Variants in NBEA observed in about 807,000 individuals in gnomAD.
The protein encoded by NBEA is neurobeachin.
NBEA carries 44 observed loss-of-function variants against 343.4 expected under a neutral mutation model. The ratio of observed to expected loss-of-function variants is 0.13; its 90% CI spans 0.10 to 0.16. NBEA has a LOEUF of 0.16. Among genes scored for constraint, NBEA ranks in the 10% least tolerant of loss-of-function variants. The pLI, the probability that NBEA is intolerant of heterozygous loss-of-function variation, is 1.00. For missense variants in NBEA, 2,555 were observed against 3,631.3 expected (o/e 0.70, Z 7.62); for synonymous variants, 1,175 against 1,238.7 (o/e 0.95, Z 1.08).
chr13:34,954,126 C>G (rs2059424723), intron 1 of NBEA, among the ~76,000 whole-genome samples: 1 of 152,154 alleles, frequency 6.6e-6, no homozygotes, highest in South Asian at 2.1e-4. Flanking sequence ...ATAGCATTTA[C>G]ATTGTATTAG....
chr13:35,382,503 G>A lies in NBEA; in HGVS notation c.6179+30180G>A, dbSNP rs371984774. Among the ~76,000 whole-genome samples the A allele has an allele frequency of 2.3e-4, 35 of 152,172 alleles. No homozygotes were observed. The East Asian group carries it at 5.4e-3, about 24-fold the overall frequency. ...TCATTAACAGTTTTGTTGTTTTGGG[G>A]AGTATACTGCATTTGGAGTAGTAAA... On this transcript the variant is annotated intron_variant, in intron 38 of 58. Coordinates refer to ENST00000379939, the MANE Select transcript of NBEA (RefSeq NM_001385012.1).
rs368040790 is a variant in NBEA, at chr13:35,098,499, G to A, written c.1680+94G>A. On this transcript the variant is annotated intron_variant, in intron 11 of 58. Coordinates refer to ENST00000379939, the MANE Select transcript of NBEA (RefSeq NM_001385012.1). ...TTTTTCTGTAATTTCACTTTCCATT[G>A]ACTGTGTAGAGATTATACTATTTGC... 1.5e-4 allele frequency: 127 copies of A among 848,634 alleles called. 1 individual carries two copies. Among genetic ancestry groups the A allele is most frequent in the East Asian group, 1.4e-3 (53 of 37,354 alleles). 52.6% of individuals were successfully genotyped at this position (848,634 alleles called of 1,614,324 possible). A position where few individuals can be genotyped will look rare whatever the true frequency, so the allele number is the denominator to read the frequency against.
chr13:34,959,551 A>G (rs2059596370), intron 1 of NBEA, among the ~76,000 whole-genome samples: 1 of 152,100 alleles, frequency 6.6e-6, no homozygotes, highest in African/African-American at 2.4e-5. Flanking sequence ...AAAAATGTTC[A>G]TTTTTAGGGT....
intron 13 of NBEA, among the ~76,000 whole-genome samples, chr13:35,113,564 G>T (rs575016456): frequency 1.3e-5 from 2 of 150,900 alleles, no homozygotes; most frequent in South Asian, 2.1e-4. Context: ...CTGTAAGGAA[G>T]AACTTGTTTT....
chr13:35,288,440 A>G (rs560764252), intron 34 of NBEA, among the ~76,000 whole-genome samples: 182 of 152,092 alleles, frequency 1.2e-3, no homozygotes, highest in Middle Eastern at 3.4e-3. Flanking sequence ...GTGAGGTTCT[A>G]TGGACTTGAA....
intron 1 of NBEA, among the ~76,000 whole-genome samples, chr13:34,963,874 A>G (rs945125431): frequency 6.6e-6 from 1 of 151,930 alleles, no homozygotes; most frequent in Non-Finnish European, 1.5e-5. Context: ...TCTAGGTCTT[A>G]CTTTTCTTTA....
rs1401760094 is a variant in NBEA, at chr13:35,066,948, G to A, written c.1240-2960G>A. ...TTTTCACTTAAAAAACATTTCTTTA[G>A]TGATTGCAGTAGAGCTTACCATATA... On this transcript the variant is annotated intron_variant, in intron 8 of 58. Transcript: ENST00000379939. Among the ~76,000 whole-genome samples the A allele has an allele frequency of 4.0e-5, 6 of 151,770 alleles. No homozygotes were observed. In the East Asian group the frequency reaches 1.2e-3, roughly 29 times the overall value.
At chr13:35,082,269 A>G (rs1048926523) in intron 10 of NBEA, among the ~76,000 whole-genome samples, 43 of 152,186 alleles carry the variant, frequency 2.8e-4, no homozygotes, top group Non-Finnish European at 6.2e-4. Context: ...ATGGCTGTAT[A>G]GTATTCCATG....
At chr13:35,669,464 A>C (rs2085503412) in intron 58 of NBEA, among the ~76,000 whole-genome samples, 1 of 152,232 alleles carries the variant, frequency 6.6e-6, no homozygotes, top group Admixed American at 6.5e-5. Context: ...ATGGCACTGA[A>C]GTCATCAGGA....
chr13:35,125,844 A>G (rs1400273536), intron 17 of NBEA, among the ~76,000 whole-genome samples: 1 of 152,194 alleles, frequency 6.6e-6, no homozygotes, highest in African/African-American at 2.4e-5. Context: ...ATACATACAT[A>G]CATACATACA....
intron 47 of NBEA, among the ~76,000 whole-genome samples, chr13:35,593,698 A>C (rs2081634319): frequency 6.6e-6 from 1 of 152,118 alleles, no homozygotes; most frequent in South Asian, 2.1e-4. Context: ...TCAAATAATC[A>C]GGAGATGTGA....
chr13:34,945,780 T>C (rs1482873353), intron 1 of NBEA, among the ~76,000 whole-genome samples: 2 of 152,176 alleles, frequency 1.3e-5, no homozygotes, highest in Non-Finnish European at 2.9e-5. Flanking sequence ...TTTCTTCCTA[T>C]GTAAGGATAC....
chr13:35,558,075 G>T (rs1593218772), intron 44 of NBEA, among the ~76,000 whole-genome samples: 1 of 152,146 alleles, frequency 6.6e-6, no homozygotes, highest in African/African-American at 2.4e-5. Context: ...AATCAAAATT[G>T]AGATTCCTTA....
chr13:34,946,624 G>A (rs2059192287), intron 1 of NBEA, among the ~76,000 whole-genome samples: 1 of 150,590 alleles, frequency 6.6e-6, no homozygotes, highest in African/African-American at 2.4e-5. Flanking sequence ...ATTTTTTCAT[G>A]GATTTGTAGT....
intron 48 of NBEA, 82 bp downstream of exon 48, chr13:35,606,660 A>G (rs896800625): frequency 1.0e-4 from 114 of 1,118,934 alleles, no homozygotes; most frequent in Non-Finnish European, 1.3e-4. Context: ...GTTCTTTACT[A>G]TAATATTACC....
intron 21 of NBEA, among the ~76,000 whole-genome samples, chr13:35,157,517 A>G (rs917606527): frequency 2.0e-5 from 3 of 152,258 alleles, no homozygotes; most frequent in Admixed American, 6.5e-5. Flanking sequence ...CATCTGTTTT[A>G]TAGCAAATCT....
chr13:34,968,354 G>C (rs1356299516), intron 1 of NBEA, among the ~76,000 whole-genome samples: 1 of 151,716 alleles, frequency 6.6e-6, no homozygotes, highest in Non-Finnish European at 1.5e-5. Flanking sequence ...AGTTTTTTTT[G>C]ACTTGGCCAG....
intron 41 of NBEA, among the ~76,000 whole-genome samples, chr13:35,511,206 A>G (rs1198328252): frequency 2.0e-5 from 3 of 152,188 alleles, no homozygotes; most frequent in African/African-American, 7.2e-5. Flanking sequence ...ATTTATTCAC[A>G]TAGTCAGCCT....
chr13:35,583,750 C>A, intron 45 of NBEA, 148 bp from the exon 46 acceptor site: 1 of 612,470 alleles, frequency 1.6e-6, no homozygotes, highest in South Asian at 2.5e-5. Flanking sequence ...TATCAAAATC[C>A]AGTATGGTTA....
Sources: gnomAD v4.1 joint callset for allele counts (sites outside exome capture counted in the v4.1 genomes callset) on GRCh38, gnomAD v4.1.1 for gene constraint, MANE v1.5 for transcripts, NCBI Gene and HGNC (gene_info 2026-07-23, HGNC 2026-07-21) for gene names.